Variants in CYP7B1 observed in about 807,000 individuals in gnomAD.
CYP7B1 encodes the protein cytochrome P450 7B1.
CYP7B1 carries 29 observed loss-of-function variants against 42.7 expected under a neutral mutation model. That is an observed-to-expected ratio of 0.68 (90% CI 0.51 to 0.93). The LOEUF (loss-of-function observed/expected upper bound fraction) is 0.93. Ranked by LOEUF, CYP7B1 falls within the 40% of genes least tolerant of loss-of-function variation. The probability of loss-of-function intolerance (pLI) is 0.00; values close to 1 mark genes in which losing one functional copy is unlikely to be tolerated. For synonymous variants in CYP7B1, 235 were observed against 218.2 expected (o/e 1.08, Z -0.68); for missense variants, 655 against 600.5 (o/e 1.09, Z -0.95).
chr8:64,746,132 A>C (rs187407206), intron 1 of CYP7B1, among the ~76,000 whole-genome samples: 253 of 150,678 alleles, frequency 1.7e-3, no homozygotes, highest in African/African-American at 5.8e-3. Context: ...CAGAGGTAAG[A>C]AAAAAAAAAT....
intron 1 of CYP7B1, among the ~76,000 whole-genome samples, chr8:64,723,386 A>AT (rs1807275061): frequency 6.6e-6 from 1 of 152,214 alleles, no homozygotes; most frequent in African/African-American, 2.4e-5. Flanking sequence ...CTATGCCACA[A>AT]TTTTTTATCC....
downstream of CYP7B1, among the ~76,000 whole-genome samples, chr8:64,587,166 C>T (rs963606196): frequency 6.6e-6 from 1 of 152,228 alleles, no homozygotes; most frequent in East Asian, 1.9e-4. Context: ...GGTCCAGCAT[C>T]CCTAGGTTGC....
At chr8:64,639,276 T>C (rs1289887665) in intron 1 of CYP7B1, among the ~76,000 whole-genome samples, 1 of 152,102 alleles carries the variant, frequency 6.6e-6, no homozygotes, top group Non-Finnish European at 1.5e-5. Context: ...AAAATTCCAC[T>C]CAGTTATTGC....
intron 1 of CYP7B1, among the ~76,000 whole-genome samples, chr8:64,766,155 G>C (rs1487618721): frequency 1.3e-5 from 2 of 152,172 alleles, no homozygotes; most frequent in Admixed American, 6.5e-5. Flanking sequence ...TCAGAACATG[G>C]AGATTGGTGC....
In CYP7B1 at chr8:64,634,417, T is replaced by TA. The variant is rs968011911; in HGVS notation, c.123-9879dup. ...AAACCCCATTTCTATGAAAAATACA[T>TA]AAAAAAAAAAAATTCGCCGGGCATG... On this transcript the variant is annotated intron_variant, in intron 1 of 5. Transcript: ENST00000310193. Among the ~76,000 whole-genome samples, 759 of 141,466 alleles carry TA rather than the reference T, an allele frequency of 5.4e-3. 5 individuals carry two copies. The highest frequency in any genetic ancestry group is 5.4e-3 in the Non-Finnish European group (351 of 64,484). 92.8% of individuals were successfully genotyped at this position (141,466 alleles called of 152,430 possible).
At chr8:64,782,892 A>C (rs1804453333) in intron 1 of CYP7B1, among the ~76,000 whole-genome samples, 1 of 152,164 alleles carries the variant, frequency 6.6e-6, no homozygotes, top group Non-Finnish European at 1.5e-5. Flanking sequence ...CTATCTTAGG[A>C]CCATTTTTTA....
At chr8:64,786,634 G>A (rs988968791) in intron 1 of CYP7B1, among the ~76,000 whole-genome samples, 1 of 152,282 alleles carries the variant, frequency 6.6e-6, no homozygotes, top group Middle Eastern at 3.4e-3. Flanking sequence ...GGCTTTTCCA[G>A]GTGCTCAGTG....
chr8:64,621,858 C>T (rs1328154818), intron 2 of CYP7B1, among the ~76,000 whole-genome samples: 3 of 151,712 alleles, frequency 2.0e-5, no homozygotes, highest in Admixed American at 6.6e-5. Context: ...GCCTCAGCCT[C>T]CCAAGTAGCT....
chr8:64,587,182 C>T (rs1804979268), downstream of CYP7B1, among the ~76,000 whole-genome samples: 2 of 152,258 alleles, frequency 1.3e-5, no homozygotes, highest in South Asian at 4.1e-4. Flanking sequence ...GTTGCAAACA[C>T]ACCAAATGAC....
intron 1 of CYP7B1, among the ~76,000 whole-genome samples, chr8:64,626,142 T>C (rs562958579): frequency 2.0e-5 from 3 of 152,324 alleles, no homozygotes; most frequent in Non-Finnish European, 2.9e-5. Context: ...ATCAACAAGT[T>C]TCCTTAAAGT....
chr8:64,632,056 A>G (rs1805704816), intron 1 of CYP7B1, among the ~76,000 whole-genome samples: 1 of 152,178 alleles, frequency 6.6e-6, no homozygotes, highest in East Asian at 1.9e-4. Flanking sequence ...TCTAGTAATT[A>G]TATAATCCAC....
intron 1 of CYP7B1, among the ~76,000 whole-genome samples, chr8:64,787,073 G>T (rs868613974): frequency 2.6e-5 from 4 of 152,194 alleles, no homozygotes; most frequent in African/African-American, 4.8e-5. Flanking sequence ...GTTAGGCCTG[G>T]ACTATGAAAC....
intron 1 of CYP7B1, among the ~76,000 whole-genome samples, chr8:64,720,687 C>T (rs576775575): frequency 6.6e-6 from 1 of 151,954 alleles, no homozygotes; most frequent in Non-Finnish European, 1.5e-5. Context: ...AATGTATATA[C>T]CATGTGCATA....
intron 1 of CYP7B1, among the ~76,000 whole-genome samples, chr8:64,781,826 C>G (rs73688010): frequency 1.1e-3 from 168 of 152,230 alleles, no homozygotes; most frequent in African/African-American, 3.8e-3. Context: ...TTTATTCTGC[C>G]TATCACAGTC....
intron 2 of CYP7B1, among the ~76,000 whole-genome samples, chr8:64,622,536 T>C (rs1398022248): frequency 6.6e-6 from 1 of 152,206 alleles, no homozygotes; most frequent in Non-Finnish European, 1.5e-5. Flanking sequence ...GGCTGAAGTC[T>C]GGTTATAGTT....
chr8:64,615,761 C>A lies in CYP7B1; in HGVS notation c.780G>T (p.Trp260Cys). Residue 260 changes from tryptophan to cysteine, a missense_variant, in exon 3 of 6, where the codon TGG (tryptophan) becomes TGT (cysteine). Physicochemically the swap from Trp to Cys is radical, Grantham distance 215. Coordinates refer to ENST00000310193, the MANE Select transcript of CYP7B1 (RefSeq NM_004820.5). ...CTTGCCTGCTTTGAAAAACTTCTGA[C>A]CATCCTTGCATCTTGGCTAACTTTT... is the stretch of plus-strand genomic sequence containing the variant. ...SSEKLAKMQG[W>C]SEVFQSRQDV... is the part of the protein sequence containing the mutation. The A allele has an allele frequency of 1.9e-6, 3 of 1,613,778 alleles. No homozygotes were observed. The highest frequency in any genetic ancestry group is 1.7e-6 in the Non-Finnish European group (2 of 1,179,790).
At chr8:64,791,635 T>C (rs922254396) in intron 1 of CYP7B1, among the ~76,000 whole-genome samples, 28 of 152,214 alleles carry the variant, frequency 1.8e-4, no homozygotes, top group Admixed American at 2.0e-4. Context: ...CCCTTGCTCA[T>C]GCTTTGACAT....
In CYP7B1 at chr8:64,595,355, A is replaced by C. The variant is rs1302975721; in HGVS notation, c.*1287T>G. ...TTTAAAGTCAGTTTCCTTTTCTCAA[A>C]ACAGTAGCAGATTTCTGAAATATTA... is the stretch of plus-strand genomic sequence containing the variant. On this transcript the variant is annotated 3_prime_UTR_variant, in exon 6 of 6. Coordinates refer to ENST00000310193, the MANE Select transcript of CYP7B1 (RefSeq NM_004820.5). Among the ~76,000 whole-genome samples the C allele has an allele frequency of 6.6e-6, 1 of 152,242 alleles. No individual in the cohort carries two copies. Among genetic ancestry groups the C allele is most frequent in the African/African-American group, 2.4e-5 (1 of 41,472 alleles).
At chr8:64,615,519 CAAA>C (rs8192897) in intron 3 of CYP7B1, among the ~76,000 whole-genome samples, 169 bp downstream of exon 3, 3 of 114,906 alleles carry the variant, frequency 2.6e-5, no homozygotes, top group Non-Finnish European at 3.8e-5. Flanking sequence ...ACCACCTCAG[CAAA>C]AAAAAAAAAA....
Sources: gnomAD v4.1 joint callset for allele counts (sites outside exome capture counted in the v4.1 genomes callset) on GRCh38, gnomAD v4.1.1 for gene constraint, MANE v1.5 for transcripts, NCBI Gene and HGNC (gene_info 2026-07-23, HGNC 2026-07-21) for gene names.